GALNTL6: variants seen among roughly 807,000 people sequenced by gnomAD.
GALNTL6 encodes the protein polypeptide N-acetylgalactosaminyltransferase-like 6.
Under a neutral mutation model 73.7 loss-of-function variants are expected in GALNTL6, and 46 were observed. The ratio of observed to expected loss-of-function variants is 0.62; its 90% CI spans 0.49 to 0.80. The LOEUF is 0.80. GALNTL6 is among the 30% of genes least tolerant of loss of function. The pLI is 0.00. For synonymous variants in GALNTL6, 259 were observed against 263.7 expected, an observed-to-expected ratio of 0.98 and a Z score of 0.17; for missense variants, 604 against 755.0, an observed-to-expected ratio of 0.80 and a Z score of 2.34.
chr4:172,213,499 A>G (rs1736397410), intron 2 of GALNTL6, among the ~76,000 whole-genome samples: 1 of 152,184 alleles, frequency 6.6e-6, no homozygotes, highest in Non-Finnish European at 1.5e-5. Flanking sequence ...TGAAACTTGC[A>G]ATTTTCTAAT....
intron 5 of GALNTL6, among the ~76,000 whole-genome samples, chr4:172,455,665 C>T (rs1172869524): frequency 6.6e-6 from 1 of 152,190 alleles, no homozygotes; most frequent in Non-Finnish European, 1.5e-5. Flanking sequence ...TAGATTCCTC[C>T]TCTCTGGGCA....
intron 2 of GALNTL6, among the ~76,000 whole-genome samples, chr4:172,183,839 C>G (rs1194420719): frequency 6.9e-6 from 1 of 145,278 alleles, no homozygotes; most frequent in Non-Finnish European, 1.5e-5. Flanking sequence ...TGTTGCCAGG[C>G]TGGAGTGCAG....
At chr4:171,922,107 G>A (rs1272878846) in intron 2 of GALNTL6, among the ~76,000 whole-genome samples, 1 of 151,682 alleles carries the variant, frequency 6.6e-6, no homozygotes, top group Admixed American at 6.6e-5. Flanking sequence ...GTGTGTTTGT[G>A]TCTTATGTGA....
intron 5 of GALNTL6, among the ~76,000 whole-genome samples, chr4:172,618,751 G>A (rs912599887): frequency 1.3e-5 from 2 of 151,980 alleles, no homozygotes; most frequent in African/African-American, 4.8e-5. Flanking sequence ...TTGAGAGGGA[G>A]TCTCACTTTG....
chr4:172,072,586 A>T (rs1471733754), intron 2 of GALNTL6, among the ~76,000 whole-genome samples: 3 of 152,204 alleles, frequency 2.0e-5, no homozygotes, highest in South Asian at 2.1e-4. Flanking sequence ...CTCACAACGT[A>T]CTGTACTGTC....
rs114958227 is a variant in GALNTL6, at chr4:172,237,119, A to T, written c.247+7355A>T. Reference sequence around the variant, plus strand: ...ATTTTACTTATCCAGTCTACCATTGATTGGCACCTAAGTTGATTCCATGTC... The same window carrying T: ...ATTTTACTTATCCAGTCTACCATTGTTTGGCACCTAAGTTGATTCCATGTC... On this transcript the variant is annotated intron_variant, in intron 3 of 12. Transcript: ENST00000506823. Among the ~76,000 whole-genome samples the T allele has an allele frequency of 3.8e-3, 574 of 152,288 alleles. 4 individuals carry two copies. Among genetic ancestry groups the T allele is most frequent in the African/African-American group, 0.013 (523 of 41,576 alleles).
intron 2 of GALNTL6, among the ~76,000 whole-genome samples, chr4:172,007,031 A>G (rs1164317735): frequency 6.6e-6 from 1 of 152,172 alleles, no homozygotes; most frequent in East Asian, 1.9e-4. Context: ...TTTATGTGCA[A>G]AGAACTTTAT....
chr4:171,870,615 A>T (rs1172426846), intron 2 of GALNTL6, among the ~76,000 whole-genome samples: 2 of 152,158 alleles, frequency 1.3e-5, no homozygotes, highest in East Asian at 3.9e-4. Context: ...TGAATTCCTA[A>T]CCCTGGTGCC....
rs180720112 is a variant in GALNTL6 at position 172,233,418 on chromosome 4, C to A, written c.247+3654C>A. Among the ~76,000 whole-genome samples, 17 of 152,048 alleles carry A rather than the reference C, an allele frequency of 1.1e-4. No individual in the cohort carries two copies. In the East Asian group the frequency reaches 1.4e-3, roughly 12 times the overall value. ...ATAATTTTACATTTTACATTTGGGT[C>A]TTAGATCCACCTAGTCTTCATTTTT... On this transcript the variant is annotated intron_variant, in intron 3 of 12. Transcript: ENST00000506823.
chr4:172,999,147 C>A, intron 10 of GALNTL6, among the ~76,000 whole-genome samples: 1 of 152,264 alleles, frequency 6.6e-6, no homozygotes. Flanking sequence ...ACTTTTCCCA[C>A]GCCAAGGTTG....
In GALNTL6 at chr4:172,247,948, A is replaced by G. The variant is rs376885757; in HGVS notation, c.247+18184A>G. ...GTTCATACATGACTGTGTGAAAAAT[A>G]CCACTTTTAACTACTGAAAAAGAAA... On this transcript the variant is annotated intron_variant, in intron 3 of 12. Transcript: ENST00000506823. Among the ~76,000 whole-genome samples the G allele has an allele frequency of 3.8e-3, 577 of 152,328 alleles. 6 individuals are homozygous for G. Among genetic ancestry groups the G allele is most frequent in the African/African-American group, 0.013 (553 of 41,574 alleles).
In GALNTL6 at chr4:172,142,860, CA is replaced by C. The variant is rs1296451702; in HGVS notation, c.139-86795del. Among the ~76,000 whole-genome samples, 18 of 151,966 alleles carry C rather than the reference CA, an allele frequency of 1.2e-4. 1 individual carries two copies. The highest frequency in any genetic ancestry group is 7.9e-4 in the Admixed American group (12 of 15,270). ...GGGAGTGGATTTTTGTATACATTAA[CA>C]GAAAATACATTGAATACTATGGAGA... On this transcript the variant is annotated intron_variant, in intron 2 of 12. Transcript: ENST00000506823.
chr4:172,659,439 G>A (rs7673000), intron 5 of GALNTL6, among the ~76,000 whole-genome samples: 55,673 of 151,816 alleles, frequency 0.37, 11,216 homozygotes, highest in African/African-American at 0.51. Context: ...AACTGTAGTC[G>A]TCCTATGGTG....
intron 2 of GALNTL6, among the ~76,000 whole-genome samples, chr4:171,979,793 G>A (rs1739838635): frequency 6.7e-6 from 1 of 149,092 alleles, no homozygotes; most frequent in Admixed American, 6.9e-5. Flanking sequence ...CCTCTGGCAA[G>A]TGGCCATGTA....
intron 2 of GALNTL6, among the ~76,000 whole-genome samples, chr4:172,118,889 T>C (rs190883498): frequency 1.3e-5 from 2 of 152,170 alleles, no homozygotes; most frequent in Admixed American, 1.3e-4. Flanking sequence ...ACAATGCTTC[T>C]AGCTTTTTTC....
chr4:172,349,822 T>TA (rs33936551), intron 5 of GALNTL6, among the ~76,000 whole-genome samples: 62 of 84,864 alleles, frequency 7.3e-4, no homozygotes, highest in Admixed American at 2.1e-3. Context: ...CGTCTCAAAT[T>TA]AAAAAAAAAT....
chr4:172,185,384 C>T (rs574039034), intron 2 of GALNTL6, among the ~76,000 whole-genome samples: 2 of 152,164 alleles, frequency 1.3e-5, no homozygotes, highest in Non-Finnish European at 2.9e-5. Context: ...TAAGGAAATA[C>T]GCTAAATGAT....
At chr4:172,721,986 CT>C (rs11450428) in intron 5 of GALNTL6, among the ~76,000 whole-genome samples, 126 of 116,820 alleles carry the variant, frequency 1.1e-3, no homozygotes, top group African/African-American at 1.8e-3. Flanking sequence ...TGGCGGAAGG[CT>C]TTTTTTTTTT....
At chr4:172,843,541 T>C (rs1318755977) in intron 7 of GALNTL6, among the ~76,000 whole-genome samples, 1 of 152,176 alleles carries the variant, frequency 6.6e-6, no homozygotes, top group African/African-American at 2.4e-5. Flanking sequence ...TTTTCCTTCC[T>C]TGTGAAAGTC....
Sources: gnomAD v4.1 joint callset for allele counts (sites outside exome capture counted in the v4.1 genomes callset) on GRCh38, gnomAD v4.1.1 for gene constraint, MANE v1.5 for transcripts, NCBI Gene and HGNC (gene_info 2026-07-23, HGNC 2026-07-21) for gene names.